Variants in NSD1 observed in about 807,000 individuals in gnomAD.
NSD1 encodes histone-lysine N-methyltransferase, H3 lysine-36 specific.
NSD1 carries 26 observed loss-of-function variants against 242.7 expected under a neutral mutation model. The observed-to-expected ratio is 0.11, with a 90% CI of 0.08 to 0.15. The LOEUF (loss-of-function observed/expected upper bound fraction) is 0.15. Among genes scored for constraint, NSD1 ranks in the 10% least tolerant of loss-of-function variants. The pLI is 1.00. For missense variants in NSD1, 2,495 were observed against 3,272.8 expected (o/e 0.76, Z 5.80); for synonymous variants, 1,106 against 1,178.1 (o/e 0.94, Z 1.25).
Position 177,135,590 on chromosome 5 carries a change from G to A in NSD1, c.487G>A (p.Asp163Asn), listed in dbSNP as rs532345998. 1.2e-5 allele frequency: 20 copies of A among 1,614,088 alleles called. No homozygotes were observed. The highest frequency in any genetic ancestry group is 3.3e-5 in the Admixed American group (2 of 59,992). ...GAATTTTACTTGTGTGGACGATGCA[G>A]ATGTAGATTCTGAAATGGACCCAGA... ...FENFTCVDDA[D>N]VDSEMDPEQP... Residue 163 changes from aspartate to asparagine, a missense_variant, in exon 2 of 23, where the codon GAT becomes AAT. Asp to Asn is a conservative substitution (Grantham distance 23, BLOSUM62 1). Coordinates refer to ENST00000439151, the MANE Select transcript of NSD1 (RefSeq NM_022455.5).
intron 20 of NSD1, among the ~76,000 whole-genome samples, chr5:177,287,957 A>AG (rs1759466394): frequency 6.6e-6 from 1 of 152,256 alleles, no homozygotes; most frequent in Non-Finnish European, 1.5e-5. Flanking sequence ...CAGTCTGCAA[A>AG]GGGAAATCTT....
rs1330997305 is a variant in NSD1, at chr5:177,212,177, G to T, written c.3778G>T (p.Ala1260Ser). ...EPGIPSLTPQ[A>S]ELPEPAVRSE... ...AGGAATTCCCAGTTTGACACCACAG[G>T]CTGAGCTCCCTGAACCAGGTAAGGA... Residue 1260 changes from alanine (A) to serine (S), a missense_variant, in exon 5 of 23, where the codon GCT (alanine) becomes TCT (serine). Ala to Ser is a moderately conservative substitution (Grantham distance 99). Transcript: ENST00000439151. 11 of 1,613,718 alleles carry T rather than the reference G, an allele frequency of 6.8e-6. No homozygotes were observed. Among genetic ancestry groups the T allele is most frequent in the Non-Finnish European group, 9.3e-6 (11 of 1,180,016 alleles).
upstream of NSD1, among the ~76,000 whole-genome samples, chr5:177,132,596 G>A (rs537191341): frequency 8.3e-4 from 126 of 152,062 alleles, no homozygotes; most frequent in Non-Finnish European, 1.3e-3. This position sits in a 1 kb window ranked among gnomAD's most constrained non-coding sequence, Gnocchi z 7.5. Flanking sequence ...GGCCTCCCTG[G>A]GCGGGGGCCG....
intron 11 of NSD1, among the ~76,000 whole-genome samples, chr5:177,251,079 A>G (rs1417292088): frequency 2.0e-5 from 3 of 151,888 alleles, no homozygotes; most frequent in Non-Finnish European, 4.4e-5. Flanking sequence ...AATCCCAGCT[A>G]CTCGGGAGGC....
rs779155138 is a variant in NSD1 at position 177,209,831 on chromosome 5, T to C, written c.1432T>C (p.Ser478Pro). The change falls in exon 5 of 23, where the codon TCA becomes CCA. Residue 478 changes from serine to proline, a missense_variant. This residue lies in a region of NSD1 where 515 missense variants were observed against 467.0 expected (regional missense o/e 1.10). Transcript: ENST00000439151. ...CCTGTTGCTTAATGGCTGTTTGAAA[T>C]CACTGGCTTTTGATTCTGAACATTC... ...HDLLLNGCLK[S>P]LAFDSEHSAD... 3.1e-6 allele frequency: 5 copies of C among 1,614,158 alleles called. No homozygotes were observed. The South Asian group carries it at 4.4e-5, about 14-fold the overall frequency.
rs1183706602 is a variant in NSD1, at chr5:177,134,197, C to G, written c.-18+245C>G. 6.6e-6 allele frequency: 1 copy of G among 151,464 alleles called. No individual in the cohort carries two copies. The highest frequency in any genetic ancestry group is 2.4e-5 in the African/African-American group (1 of 41,250). The allele number at this position is 151,464 out of a possible 1,614,324, so 9.4% of individuals were successfully genotyped here. On this transcript the variant is annotated intron_variant, in intron 1 of 22. Transcript: ENST00000439151. This position sits in a 1 kb window ranked among gnomAD's most constrained non-coding sequence, Gnocchi z 4.2. ...CCGCGAACTTCCTCCCGGCGCGGCC[C>G]GTGCCCCGCCGGCCGCCTGCGAACA...
chr5:177,148,121 T>G (rs924223248), intron 2 of NSD1, among the ~76,000 whole-genome samples: 3 of 113,870 alleles, frequency 2.6e-5, no homozygotes, highest in African/African-American at 8.6e-5. Context: ...CATGTTAAGT[T>G]TTTTTTTTTT....
intron 5 of NSD1, chr5:177,220,876 T>C (rs1764181191): frequency 4.8e-5 from 16 of 331,840 alleles, no homozygotes; most frequent in South Asian, 3.6e-4. Context: ...CGGCCTCTTT[T>C]TTTATGGAGA....
chr5:177,253,990 T>C (rs914272261), intron 12 of NSD1, among the ~76,000 whole-genome samples: 1 of 152,210 alleles, frequency 6.6e-6, no homozygotes, highest in Non-Finnish European at 1.5e-5. Flanking sequence ...AGTCTTGCAC[T>C]GTCACCCGGG....
In NSD1 at chr5:177,294,782, C is replaced by T. The variant is rs143159061; in HGVS notation, c.7414C>T (p.Pro2472Ser). 1.1e-5 allele frequency: 18 copies of T among 1,613,676 alleles called. No homozygotes were observed. In the African/African-American group the frequency reaches 1.7e-4, roughly 16 times the overall value. The part of the protein sequence containing the change: ...TPRQKERAAS[P>S]HQVTPQADEK... ...TCGCCAGAAGGAGCGGGCAGCTTCA[C>T]CTCATCAGGTCACACCACAGGCTGA... Residue 2472 changes from proline (P) to serine (S), a missense_variant, in exon 23 of 23, where the codon CCT becomes TCT. Coordinates refer to ENST00000439151, the MANE Select transcript of NSD1 (RefSeq NM_022455.5).
intron 14 of NSD1, chr5:177,265,628 AGGTTGAT>A: frequency 6.4e-7 from 1 of 1,557,366 alleles, no homozygotes; most frequent in Non-Finnish European, 8.9e-7. Context: ...CCTGAAATCT[AGGTTGAT>A]GGTGAAGTCC....
intron 19 of NSD1, 78 bp downstream of exon 19, chr5:177,282,659 T>C (rs1490916817): frequency 3.8e-6 from 4 of 1,064,326 alleles, no homozygotes; most frequent in Non-Finnish European, 5.9e-6. Context: ...TTTGTAGGCA[T>C]GTAACGCAGT....
At chr5:177,280,880 G>T (rs564832398) in intron 18 of NSD1, 46 bp downstream of exon 18, 4 of 1,588,026 alleles carry the variant, frequency 2.5e-6, no homozygotes, top group African/African-American at 2.7e-5. Context: ...CTTTGCAGTT[G>T]CTTGATATCA....
At chr5:177,279,165 C>T (rs1758637102) in intron 17 of NSD1, among the ~76,000 whole-genome samples, 1 of 152,120 alleles carries the variant, frequency 6.6e-6, no homozygotes, top group Non-Finnish European at 1.5e-5. Flanking sequence ...CAGATGATTT[C>T]ATGCCATTTA....
At chr5:177,274,697 T>TTGTG (rs138385964) in intron 17 of NSD1, among the ~76,000 whole-genome samples, 2,787 of 145,404 alleles carry the variant, frequency 0.019, 40 homozygotes, top group African/African-American at 0.03. Context: ...CACTTATCCT[T>TTGTG]TGTGTGTGTG....
chr5:177,292,154 A>G lies in NSD1; in HGVS notation c.6459A>G (p.Pro2153=). ...HADCLNLTKR[P]AGKWECPWHQ... ...ACTGTCTCAATCTGACCAAGCGACC[A>G]GCAGGTTGGTGCCAAAATCCATTTG... The change falls in exon 22 of 23, where the codon CCA becomes CCG. Residue 2153 remains proline (P), a synonymous_variant. Coordinates refer to ENST00000439151, the MANE Select transcript of NSD1 (RefSeq NM_022455.5). 4 of 1,613,956 alleles carry G rather than the reference A, an allele frequency of 2.5e-6. No homozygotes were observed. The highest frequency in any genetic ancestry group is 3.4e-6 in the Non-Finnish European group (4 of 1,179,962).
intron 11 of NSD1, 130 bp downstream of exon 11, chr5:177,248,454 C>A: frequency 8.1e-7 from 1 of 1,233,888 alleles, no homozygotes; most frequent in Non-Finnish European, 1.2e-6. Flanking sequence ...GAGTCACTTT[C>A]TTTAAGGATT....
intron 2 of NSD1, among the ~76,000 whole-genome samples, chr5:177,176,997 G>T (rs1479441113): frequency 1.3e-5 from 2 of 152,204 alleles, no homozygotes; most frequent in African/African-American, 4.8e-5. Context: ...GTTACATTAT[G>T]TGTGAAAGAA....
rs555774281 is a variant in NSD1 at position 177,156,330 on chromosome 5, A to G, written c.927+20300A>G. 6.6e-5 allele frequency among the ~76,000 whole-genome samples: 10 copies of G among 151,700 alleles called. No homozygotes were observed. In the South Asian group the frequency reaches 2.1e-3, roughly 32 times the overall value. ...TGAGTGGCTGGGACTACAGGTGCAT[A>G]CCACTATGCCCAGCTAATTTTTGTA... On this transcript the variant is annotated intron_variant, in intron 2 of 22. Transcript: ENST00000439151.
Sources: allele counts gnomAD v4.1 joint callset (sites outside exome capture counted in the v4.1 genomes callset), GRCh38; gene constraint gnomAD v4.1.1; regional missense constraint gnomAD v4.1.1; non-coding constraint Gnocchi (gnomAD v3.1); transcripts MANE v1.5; gene names NCBI Gene and HGNC (gene_info 2026-07-23, HGNC 2026-07-21).